LMX1A: variants seen among roughly 807,000 people sequenced by gnomAD.
The protein encoded by LMX1A is LIM homeobox transcription factor 1 alpha.
Under a neutral mutation model 49.1 loss-of-function variants are expected in LMX1A, and 15 were observed. The observed-to-expected ratio is 0.31, with a 90% CI of 0.20 to 0.47. The LOEUF (loss-of-function observed/expected upper bound fraction) is 0.47, where lower values mean the gene tolerates loss of function less well. Among genes scored for constraint, LMX1A ranks in the 20% least tolerant of loss-of-function variants. LMX1A has a pLI of 1.00. For missense variants in LMX1A, 372 were observed against 475.8 expected (o/e 0.78, Z 2.03); for synonymous variants, 167 against 185.7 (o/e 0.90, Z 0.82).
At chr1:165,323,928 A>G (rs1431408601) in intron 3 of LMX1A, among the ~76,000 whole-genome samples, 1 of 152,252 alleles carries the variant, frequency 6.6e-6, no homozygotes, top group East Asian at 1.9e-4. Flanking sequence ...CTGAATGGAT[A>G]AAAGGTTGAC....
Position 165,353,174 on chromosome 1 carries a change from C to T in LMX1A, c.165G>A (p.Trp55Ter). 1 of 1,614,152 alleles carries T rather than the reference C, an allele frequency of 6.2e-7. No individual in the cohort carries two copies. The highest frequency in any genetic ancestry group is 8.5e-7 in the Non-Finnish European group (1 of 1,180,010). ...RFLLRLNDSF[W>*]HEQCVQCASC... ...AGGCGCACTGCACGCACTGCTCATG[C>T]CAGAAGCTGTCGTTGAGCCGCAGCA... is the stretch of plus-strand genomic sequence containing the variant. Residue 55 changes from tryptophan to a stop codon, truncating the protein, a stop_gained, in exon 3 of 9, where the codon TGG becomes TGA. Coordinates refer to ENST00000342310, the MANE Select transcript of LMX1A (RefSeq NM_177398.4). LOFTEE classifies it high-confidence loss of function.
intron 3 of LMX1A, among the ~76,000 whole-genome samples, chr1:165,325,442 T>TATGTAC (rs1655540242): frequency 9.0e-6 from 1 of 111,664 alleles, no homozygotes; most frequent in Non-Finnish European, 1.9e-5. Flanking sequence ...TATATATGTA[T>TATGTAC]ATGTATATGT....
intron 3 of LMX1A, among the ~76,000 whole-genome samples, chr1:165,298,905 T>C (rs1423065604): frequency 6.6e-6 from 1 of 152,256 alleles, no homozygotes; most frequent in Non-Finnish European, 1.5e-5. Context: ...ATATGAAGTG[T>C]CTGCATGTGA....
intron 3 of LMX1A, among the ~76,000 whole-genome samples, chr1:165,309,210 G>A (rs1655004636): frequency 6.6e-6 from 1 of 151,756 alleles, no homozygotes; most frequent in Non-Finnish European, 1.5e-5. Context: ...CTTGCTGCAC[G>A]CTCCCCACCC....
chr1:165,242,927 C>T (rs1270720263), intron 4 of LMX1A, among the ~76,000 whole-genome samples: 1 of 40,000 alleles, frequency 2.5e-5, no homozygotes, highest in African/African-American at 9.5e-5. Context: ...GAAACTCCAC[C>T]TCAAAAAAAA....
chr1:165,264,911 T>C (rs933024161), intron 3 of LMX1A, among the ~76,000 whole-genome samples: 1 of 151,122 alleles, frequency 6.6e-6, no homozygotes, highest in African/African-American at 2.4e-5. Flanking sequence ...TGCCTCGAAA[T>C]AAAAAAGGAA....
intron 3 of LMX1A, among the ~76,000 whole-genome samples, chr1:165,270,428 A>C (rs1443424989): frequency 2.6e-5 from 4 of 152,216 alleles, no homozygotes. Flanking sequence ...TCTCCAGGGA[A>C]ATGATAACTT....
chr1:165,330,517 T>C (rs1488055437), intron 3 of LMX1A, among the ~76,000 whole-genome samples: 1 of 152,220 alleles, frequency 6.6e-6, no homozygotes, highest in African/African-American at 2.4e-5. Context: ...CTTCCAGTAA[T>C]GGCTGAGTAG....
chr1:165,260,149 C>T (rs1354419897), intron 3 of LMX1A, among the ~76,000 whole-genome samples: 3 of 152,132 alleles, frequency 2.0e-5, no homozygotes, highest in East Asian at 1.9e-4. Context: ...GTTTTCCTTT[C>T]GCTTCATCCT....
chr1:165,308,366 CAGCA>C (rs1654980303), intron 3 of LMX1A, among the ~76,000 whole-genome samples: 2 of 152,144 alleles, frequency 1.3e-5, no homozygotes, highest in Non-Finnish European at 2.9e-5. Flanking sequence ...GTAAGAATTG[CAGCA>C]AGAAACAGAC....
chr1:165,266,901 T>A (rs1571190290), intron 3 of LMX1A, among the ~76,000 whole-genome samples: 1 of 110,774 alleles, frequency 9.0e-6, no homozygotes, highest in African/African-American at 2.6e-5. Context: ...GTGCCCGGCT[T>A]GCTTGCTTGC....
At chr1:165,297,308 G>A (rs1487895283) in intron 3 of LMX1A, among the ~76,000 whole-genome samples, 1 of 152,236 alleles carries the variant, frequency 6.6e-6, no homozygotes, top group African/African-American at 2.4e-5. Flanking sequence ...CAGATGCTCA[G>A]GCCACATCCC....
rs753041611 is a variant in LMX1A at position 165,210,792 on chromosome 1, C to A, written c.670-16G>T. On this transcript the variant is annotated splice_polypyrimidine_tract_variant and intron_variant, in intron 5 of 8. Coordinates refer to ENST00000342310, the MANE Select transcript of LMX1A (RefSeq NM_177398.4). ...TCTCTCTCACCTTGGAAAAATTGAA[C>A]GAGAAATGTAGACACACTGGCATCT... The A allele has an allele frequency of 1.9e-6, 3 of 1,603,698 alleles. No individual in the cohort carries two copies. The highest frequency in any genetic ancestry group is 2.6e-6 in the Non-Finnish European group (3 of 1,171,258).
At chr1:165,301,372 AAC>A (rs35818694) in intron 3 of LMX1A, among the ~76,000 whole-genome samples, 1 of 151,262 alleles carries the variant, frequency 6.6e-6, no homozygotes, top group African/African-American at 2.4e-5. Flanking sequence ...CACTCCCGAC[AAC>A]ACACACACAC....
At chr1:165,315,352 A>G (rs1448379486) in intron 3 of LMX1A, among the ~76,000 whole-genome samples, 2 of 152,170 alleles carry the variant, frequency 1.3e-5, no homozygotes, top group Non-Finnish European at 2.9e-5. Flanking sequence ...GAAAAGCCCT[A>G]CTTCCTTTCA....
intron 3 of LMX1A, among the ~76,000 whole-genome samples, chr1:165,301,603 A>G (rs562889421): frequency 2.6e-5 from 4 of 152,348 alleles, no homozygotes; most frequent in South Asian, 2.1e-4. Context: ...TTAAAAAACA[A>G]ACAAACATAA....
chr1:165,218,596 G>A (rs1651723518), intron 4 of LMX1A: 1 of 152,184 alleles, frequency 6.6e-6, no homozygotes, highest in Non-Finnish European at 1.5e-5. Flanking sequence ...CTTTCAGCAG[G>A]GGCAGACCTG....
rs376559219 is a variant in LMX1A, at chr1:165,226,204, G to T, written c.497-12391C>A. 3.7e-4 allele frequency among the ~76,000 whole-genome samples: 57 copies of T among 152,282 alleles called. No homozygotes were observed. The East Asian group carries it at 8.9e-3, about 24-fold the overall frequency. On this transcript the variant is annotated intron_variant, in intron 4 of 8. Transcript: ENST00000342310. The stretch of plus-strand genomic sequence containing the variant: ...TCTCCTCTCTATCAGTGTGATGGCT[G>T]TTAAGCACCAAAGCCATGGACATCT...
intron 3 of LMX1A, among the ~76,000 whole-genome samples, chr1:165,308,689 C>T (rs1654988610): frequency 6.6e-6 from 1 of 152,128 alleles, no homozygotes; most frequent in Admixed American, 6.5e-5. Flanking sequence ...TGATTGGTCC[C>T]CTGGACTTGT....
Sources: allele counts gnomAD v4.1 joint callset (sites outside exome capture counted in the v4.1 genomes callset), GRCh38; gene constraint gnomAD v4.1.1; transcripts MANE v1.5; gene names NCBI Gene and HGNC (gene_info 2026-07-23, HGNC 2026-07-21).